Variants in BNC2 observed in about 807,000 individuals in gnomAD.
BNC2 encodes zinc finger protein basonuclin-2.
BNC2 carries 20 observed loss-of-function variants against 76.3 expected under a neutral mutation model. That is an observed-to-expected ratio of 0.26 (90% CI 0.18 to 0.38). BNC2 has a LOEUF of 0.38. Ranked by LOEUF, BNC2 falls within the 10% of genes least tolerant of loss-of-function variation. The pLI is 1.00. For missense variants in BNC2, 1,382 were observed against 1,399.8 expected (o/e 0.99, Z 0.20); for synonymous variants, 582 against 514.8 (o/e 1.13, Z -1.77).
intron 3 of BNC2, among the ~76,000 whole-genome samples, chr9:16,631,845 A>T (rs918288489): frequency 9.2e-5 from 14 of 152,220 alleles, no homozygotes; most frequent in African/African-American, 3.4e-4. Flanking sequence ...AACTTCAGAA[A>T]AAAAGACAGA....
At chr9:16,591,858 T>C (rs1401517825) in intron 3 of BNC2, among the ~76,000 whole-genome samples, 1 of 152,180 alleles carries the variant, frequency 6.6e-6, no homozygotes, top group African/African-American at 2.4e-5. Context: ...CTTACATTTG[T>C]CTAATTGTTT....
rs372600552 is a variant in BNC2 at position 16,633,465 on chromosome 9, C to T, written c.331-50380G>A. ...CACATTCTTTTCTACTTAAAAGAGC[C>T]TCTTTTTAAGCATTTCTAACCGTGA... is the stretch of plus-strand genomic sequence containing the variant. On this transcript the variant is annotated intron_variant, in intron 3 of 6. Transcript: ENST00000380672. Among the ~76,000 whole-genome samples the T allele has an allele frequency of 6.6e-5, 10 of 152,334 alleles. No individual in the cohort carries two copies. The South Asian group carries it at 1.5e-3, about 22-fold the overall frequency.
At chr9:16,823,518 G>A (rs533890881) in intron 1 of BNC2, among the ~76,000 whole-genome samples, 16 of 151,482 alleles carry the variant, frequency 1.1e-4, no homozygotes, top group African/African-American at 2.9e-4. Flanking sequence ...TAGGAGGATC[G>A]CTTGAGCCTG....
chr9:16,699,535 C>G (rs1219881654), intron 3 of BNC2, among the ~76,000 whole-genome samples: 1 of 152,140 alleles, frequency 6.6e-6, no homozygotes, highest in Non-Finnish European at 1.5e-5. Flanking sequence ...ATTGAAAAGG[C>G]CAAGTATGTA....
At position 16,437,362 on chromosome 9, in the gene BNC2, T is replaced by C; in HGVS notation, c.832A>G (p.Thr278Ala). The change falls in exon 6 of 7, where the codon ACA becomes GCA. Residue 278 changes from threonine (T) to alanine (A), a missense_variant. Thr to Ala is a moderately conservative substitution (Grantham distance 58, BLOSUM62 0). This residue lies in a region of BNC2 where 557 missense variants were observed against 540.9 expected (regional missense o/e 1.03). Transcript: ENST00000380672. ...ATGAAAGTCCTTATATCTGAGTCTG[T>C]CTTTGAAGATGGTACAGCCACGGCC... is the stretch of plus-strand genomic sequence containing the variant. Reference protein sequence around the residue: ...GQAVAVPSSKTDSDIRTFIES... With the variant: ...GQAVAVPSSKADSDIRTFIES... 1 of 1,613,858 alleles carries C rather than the reference T, an allele frequency of 6.2e-7. No individual in the cohort carries two copies. Among genetic ancestry groups the C allele is most frequent in the Non-Finnish European group, 8.5e-7 (1 of 1,179,736 alleles).
chr9:16,500,814 C>T (rs920783924), intron 5 of BNC2, among the ~76,000 whole-genome samples: 1 of 152,176 alleles, frequency 6.6e-6, no homozygotes, highest in Non-Finnish European at 1.5e-5. Context: ...TCTGTTGGTG[C>T]TTTATACCTA....
chr9:16,606,532 T>TA (rs1485425551), intron 3 of BNC2, among the ~76,000 whole-genome samples: 3 of 151,574 alleles, frequency 2.0e-5, no homozygotes, highest in African/African-American at 7.3e-5. Flanking sequence ...CTGATAGCTT[T>TA]TTTTTTTTTG....
At chr9:16,451,670 A>G (rs1270537408) in intron 5 of BNC2, among the ~76,000 whole-genome samples, 5 of 152,156 alleles carry the variant, frequency 3.3e-5, no homozygotes, top group African/African-American at 1.2e-4. Flanking sequence ...TCAAAGCCCA[A>G]CTGAAATTAA....
chr9:16,449,150 G>A (rs1036468039), intron 5 of BNC2, among the ~76,000 whole-genome samples: 1 of 152,168 alleles, frequency 6.6e-6, no homozygotes, highest in African/African-American at 2.4e-5. Flanking sequence ...ACATTATAGA[G>A]CACAAGGTAA....
chr9:16,485,111 G>GACACACACAGACAC (rs368373957), intron 5 of BNC2, among the ~76,000 whole-genome samples: 10 of 143,558 alleles, frequency 7.0e-5, no homozygotes, highest in Non-Finnish European at 1.4e-4. Context: ...GACACACACA[G>GACACACACAGACAC]ACACACACAC....
At chr9:16,753,201 C>A (rs1427876671) in intron 1 of BNC2, among the ~76,000 whole-genome samples, 6 of 152,182 alleles carry the variant, frequency 3.9e-5, no homozygotes, top group Non-Finnish European at 8.8e-5. Flanking sequence ...CATAAAACTA[C>A]ATTCTTCAAA....
At chr9:16,832,720 A>C (rs184741809) in intron 1 of BNC2, among the ~76,000 whole-genome samples, 94 of 151,784 alleles carry the variant, frequency 6.2e-4, no homozygotes, top group East Asian at 1.9e-3. Flanking sequence ...CCCTGAATCC[A>C]AATTCCTTTT....
At chr9:16,677,481 G>A (rs1167211443) in intron 3 of BNC2, among the ~76,000 whole-genome samples, 3 of 151,978 alleles carry the variant, frequency 2.0e-5, no homozygotes, top group Admixed American at 2.0e-4. Context: ...GCTGAGGCAG[G>A]AGAATTGCTT....
chr9:16,572,998 C>A (rs948089279), intron 4 of BNC2, among the ~76,000 whole-genome samples: 6 of 151,868 alleles, frequency 4.0e-5, no homozygotes, highest in African/African-American at 1.5e-4. Context: ...GGAGCCAGTG[C>A]GGGAAGATCA....
intron 5 of BNC2, among the ~76,000 whole-genome samples, chr9:16,500,368 T>C (rs1262150049): frequency 6.6e-6 from 1 of 152,188 alleles, no homozygotes; most frequent in Non-Finnish European, 1.5e-5. Flanking sequence ...GTTTACCCTT[T>C]TAATTTTCTA....
intron 3 of BNC2, among the ~76,000 whole-genome samples, chr9:16,615,277 T>C (rs934696887): frequency 1.3e-5 from 2 of 152,136 alleles, no homozygotes; most frequent in Admixed American, 6.6e-5. Flanking sequence ...GTGCCAGGCA[T>C]TAGGCTAAAT....
At position 16,666,322 on chromosome 9, in the gene BNC2, GA is replaced by G. The variant is rs1205265233; in HGVS notation, c.330+61474del. On this transcript the variant is annotated intron_variant, in intron 3 of 6. Coordinates refer to ENST00000380672, the MANE Select transcript of BNC2 (RefSeq NM_017637.6). Reference sequence around the variant, plus strand: ...ACTCTGGTAATGTTGGCATTCCCTTGATCTCTGCTATGTCCGCTGCAAATGT... The same window carrying G: ...ACTCTGGTAATGTTGGCATTCCCTTGTCTCTGCTATGTCCGCTGCAAATGT... Among the ~76,000 whole-genome samples, 16 of 152,228 alleles carry G rather than the reference GA, an allele frequency of 1.1e-4. No individual in the cohort carries two copies. In the East Asian group the frequency reaches 2.9e-3, roughly 28 times the overall value.
At chr9:16,546,949 G>A (rs1282425486) in intron 5 of BNC2, among the ~76,000 whole-genome samples, 2 of 152,178 alleles carry the variant, frequency 1.3e-5, no homozygotes, top group Admixed American at 6.5e-5. Flanking sequence ...TTATGTATAA[G>A]CCTGGGTGCT....
intron 3 of BNC2, among the ~76,000 whole-genome samples, chr9:16,688,794 T>C (rs532388689): frequency 6.6e-6 from 1 of 152,266 alleles, no homozygotes; most frequent in East Asian, 1.9e-4. Context: ...AATTTCATTA[T>C]CTTAGTACTG....
Sources: gnomAD v4.1 joint callset for allele counts (sites outside exome capture counted in the v4.1 genomes callset) on GRCh38, gnomAD v4.1.1 for gene constraint, gnomAD v4.1.1 regional missense constraint, MANE v1.5 for transcripts, NCBI Gene and HGNC (gene_info 2026-07-23, HGNC 2026-07-21) for gene names.